Variants in PSEN1 observed in about 807,000 individuals in gnomAD.
The protein encoded by PSEN1 is presenilin-1.
PSEN1 carries 15 observed loss-of-function variants against 53.5 expected under a neutral mutation model. The ratio of observed to expected loss-of-function variants is 0.28; its 90% CI spans 0.19 to 0.43. The LOEUF (loss-of-function observed/expected upper bound fraction) is 0.43, where lower values mean the gene tolerates loss of function less well. PSEN1 is among the 20% of genes least tolerant of loss of function. The pLI, the probability that PSEN1 is intolerant of heterozygous loss-of-function variation, is 1.00. For synonymous variants in PSEN1, 208 were observed against 209.8 expected, an observed-to-expected ratio of 0.99 and a Z score of 0.08; for missense variants, 387 against 571.2, an observed-to-expected ratio of 0.68 and a Z score of 3.29.
At chr14:73,146,798 A>G (rs1474304580) in intron 1 of PSEN1, among the ~76,000 whole-genome samples, 2 of 152,242 alleles carry the variant, frequency 1.3e-5, no homozygotes, top group Non-Finnish European at 2.9e-5. Context: ...AAATGTGTAT[A>G]TGGTAATGTA....
At chr14:73,171,105 T>G in intron 4 of PSEN1, 58 bp downstream of exon 4, 1 of 1,601,384 alleles carries the variant, frequency 6.2e-7, no homozygotes, top group Non-Finnish European at 8.5e-7. Context: ...CTTTACAGCA[T>G]GTCATCATCA....
In PSEN1 at chr14:73,192,861, T is replaced by TA; in HGVS notation, c.767dup (p.Tyr256Ter). Residue 256 changes from tyrosine (Y) to a stop codon, truncating the protein, a stop_gained and frameshift_variant, in exon 7 of 12, where the codon TAT (tyrosine) becomes TAAT (stop). Coordinates refer to ENST00000324501, the MANE Select transcript of PSEN1 (RefSeq NM_000021.4). LOFTEE classifies it high-confidence loss of function. ...AWLILAVISVYDLVAVLCPKG... is the reference protein window; with the variant it reads ...AWLILAVISV The stretch of plus-strand genomic sequence containing the variant: ...GCTCATCTTGGCTGTGATTTCAGTA[T>TA]ATGGTAAAACCCAAGACTGATAATT... 6.2e-7 allele frequency: 1 copy of TA among 1,606,972 alleles called. No homozygotes were observed. The highest frequency in any genetic ancestry group is 8.5e-7 in the Non-Finnish European group (1 of 1,173,642).
chr14:73,171,894 T>G (rs1050849616), intron 4 of PSEN1, among the ~76,000 whole-genome samples: 2 of 152,248 alleles, frequency 1.3e-5, no homozygotes, highest in Non-Finnish European at 2.9e-5. Flanking sequence ...ACATTCCTGT[T>G]TCTCCTAACA....
At chr14:73,148,369 C>T (rs1897128638) in intron 3 of PSEN1, among the ~76,000 whole-genome samples, 3 of 152,306 alleles carry the variant, frequency 2.0e-5, no homozygotes, top group African/African-American at 4.8e-5. Flanking sequence ...CCTCATAGTT[C>T]ATGTTGTTTA....
chr14:73,144,710 C>G (rs745515181), intron 1 of PSEN1, among the ~76,000 whole-genome samples: 3 of 152,120 alleles, frequency 2.0e-5, no homozygotes, highest in African/African-American at 7.2e-5. Flanking sequence ...AATAATGTCT[C>G]TAAGTTTTAC....
At chr14:73,180,399 TTA>T (rs1442590558) in intron 5 of PSEN1, among the ~76,000 whole-genome samples, 1 of 152,208 alleles carries the variant, frequency 6.6e-6, no homozygotes, top group East Asian at 1.9e-4. Flanking sequence ...ACACAAACAA[TTA>T]TATAGAAACA....
intron 1 of PSEN1, chr14:73,147,444 AAT>A (rs1491505837): frequency 6.2e-5 from 10 of 162,096 alleles, no homozygotes; most frequent in African/African-American, 2.2e-4. Context: ...AATTTTGCAA[AAT>A]TAAAAGCGCT....
chr14:73,205,369 C>G (rs1377858276), intron 8 of PSEN1, among the ~76,000 whole-genome samples: 2 of 150,986 alleles, frequency 1.3e-5, no homozygotes, highest in African/African-American at 4.9e-5. Context: ...GTCCCAGCTA[C>G]TCGGGAGGCT....
intron 10 of PSEN1, 146 bp downstream of exon 10, chr14:73,212,088 C>CCTTTTT (rs1899715269): frequency 3.0e-5 from 2 of 66,914 alleles, no homozygotes; most frequent in African/African-American, 7.4e-5. Context: ...AGTAATAGTG[C>CCTTTTT]TTTTTTTTTT....
At chr14:73,173,987 TAAAG>T (rs1383753814) in intron 5 of PSEN1, 2 of 574,024 alleles carry the variant, frequency 3.5e-6, no homozygotes, top group Non-Finnish European at 6.2e-6. Flanking sequence ...CTGCCTCTAT[TAAAG>T]AAAACAAAAA....
At chr14:73,138,706 A>G (rs964349372) in intron 1 of PSEN1, among the ~76,000 whole-genome samples, 4 of 150,762 alleles carry the variant, frequency 2.7e-5, no homozygotes, top group Non-Finnish European at 4.4e-5. Flanking sequence ...CACCCCTGTA[A>G]TCCCAGCACT....
chr14:73,203,846 GTATAT>G (rs925391503), intron 8 of PSEN1, among the ~76,000 whole-genome samples: 1 of 152,044 alleles, frequency 6.6e-6, no homozygotes, highest in African/African-American at 2.4e-5. Flanking sequence ...TTGGGGGCGG[GTATAT>G]TATGTTAATT....
chr14:73,216,364 T>C (rs1899913537), intron 10 of PSEN1, among the ~76,000 whole-genome samples: 1 of 152,176 alleles, frequency 6.6e-6, no homozygotes, highest in Non-Finnish European at 1.5e-5. Context: ...ATTGTACAGC[T>C]CTCTCTATAT....
At chr14:73,183,198 A>T (rs1595016248) in intron 5 of PSEN1, among the ~76,000 whole-genome samples, 1 of 151,796 alleles carries the variant, frequency 6.6e-6, no homozygotes, top group Admixed American at 6.6e-5. Flanking sequence ...GCTCTCCACA[A>T]CCTCCGCCTC....
At chr14:73,158,327 T>TCTATCTAG (rs1897428300) in intron 3 of PSEN1, among the ~76,000 whole-genome samples, 1 of 151,272 alleles carries the variant, frequency 6.6e-6, no homozygotes, top group Non-Finnish European at 1.5e-5. Flanking sequence ...TATCTATCTA[T>TCTATCTAG]CTATCTATTT....
At chr14:73,143,819 G>A (rs907440813) in intron 1 of PSEN1, among the ~76,000 whole-genome samples, 1 of 151,692 alleles carries the variant, frequency 6.6e-6, no homozygotes, top group African/African-American at 2.4e-5. Context: ...GACCAGCCTG[G>A]GCGATACAGC....
At chr14:73,205,346 G>A (rs1486263496) in intron 8 of PSEN1, among the ~76,000 whole-genome samples, 1 of 151,946 alleles carries the variant, frequency 6.6e-6, no homozygotes, top group Middle Eastern at 3.2e-3. Context: ...AGGCATGGTG[G>A]CGGGCGCCTG....
intron 9 of PSEN1, among the ~76,000 whole-genome samples, chr14:73,208,572 C>T (rs898607908): frequency 2.0e-5 from 3 of 151,804 alleles, no homozygotes; most frequent in Admixed American, 2.0e-4. Flanking sequence ...AGAGGAGACC[C>T]GGAGTGGGTA....
intron 10 of PSEN1, among the ~76,000 whole-genome samples, chr14:73,216,666 G>A (rs970487270): frequency 6.6e-6 from 1 of 151,982 alleles, no homozygotes; most frequent in Admixed American, 6.6e-5. Flanking sequence ...GGCTGAGACA[G>A]GAAAGTCGCT....
Sources: allele counts gnomAD v4.1 joint callset (sites outside exome capture counted in the v4.1 genomes callset), GRCh38; gene constraint gnomAD v4.1.1; transcripts MANE v1.5; gene names NCBI Gene and HGNC (gene_info 2026-07-23, HGNC 2026-07-21).